Variants in ANKRD28 observed in about 807,000 individuals in gnomAD.
ANKRD28 encodes the protein ankyrin repeat domain 28.
Under a neutral mutation model 126.5 loss-of-function variants are expected in ANKRD28, and 44 were observed. That is an observed-to-expected ratio of 0.35 (90% CI 0.27 to 0.45). The LOEUF (loss-of-function observed/expected upper bound fraction) is 0.45, where lower values mean the gene tolerates loss of function less well. Ranked by LOEUF, ANKRD28 falls within the 20% of genes least tolerant of loss-of-function variation. The pLI is 1.00. For missense variants in ANKRD28, 1,110 were observed against 1,316.6 expected, an observed-to-expected ratio of 0.84 and a Z score of 2.43; for synonymous variants, 442 against 468.5, an observed-to-expected ratio of 0.94 and a Z score of 0.73.
chr3:15,748,798 T>TA, intron 4 of ANKRD28, among the ~76,000 whole-genome samples: 2 of 152,346 alleles, frequency 1.3e-5, no homozygotes, highest in South Asian at 4.1e-4. Flanking sequence ...TCCAAACTTT[T>TA]AGAGTTCTCT....
Position 15,677,513 on chromosome 3 carries a change from A to T in ANKRD28, c.2757T>A (p.Ser919Arg), listed in dbSNP as rs762717215. ...AAGCCAAATGGAGGGCAGTATTTTT[A>T]CTGTTATCTTGTAAAGTCAGTTCTG... ...ASAELTLQDN[S>R]KNTALHLACS... Residue 919 changes from serine to arginine, a missense_variant, in exon 25 of 28, where the codon AGT becomes AGA. Transcript: ENST00000683139. 9.9e-6 allele frequency: 16 copies of T among 1,612,986 alleles called. No individual in the cohort carries two copies. In the African/African-American group the frequency reaches 2.1e-4, roughly 22 times the overall value.
At chr3:15,784,526 A>C (rs1232662689) in intron 2 of ANKRD28, among the ~76,000 whole-genome samples, 2 of 152,004 alleles carry the variant, frequency 1.3e-5, no homozygotes, top group Non-Finnish European at 1.5e-5. Flanking sequence ...TATAACTGAT[A>C]TCCTAAGAAA....
chr3:15,680,370 G>A (rs1233412540), intron 21 of ANKRD28, among the ~76,000 whole-genome samples: 1 of 151,680 alleles, frequency 6.6e-6, no homozygotes, highest in African/African-American at 2.4e-5. Context: ...TGCCCAGCTA[G>A]CTTTTTTCGT....
intron 2 of ANKRD28, among the ~76,000 whole-genome samples, chr3:15,784,214 AAAG>A (rs1359193067): frequency 6.6e-6 from 1 of 152,048 alleles, no homozygotes; most frequent in Non-Finnish European, 1.5e-5. Flanking sequence ...GAAGAGCATC[AAAG>A]AAGGAGTAAG....
intron 1 of ANKRD28, among the ~76,000 whole-genome samples, chr3:15,852,710 G>A (rs535003535): frequency 6.6e-6 from 1 of 151,742 alleles, no homozygotes; most frequent in Admixed American, 6.6e-5. Flanking sequence ...GCGGGTGCCT[G>A]TAATCCCAGC....
intron 2 of ANKRD28, among the ~76,000 whole-genome samples, chr3:15,790,180 A>T (rs1435915099): frequency 2.6e-5 from 4 of 152,128 alleles, no homozygotes; most frequent in Non-Finnish European, 5.9e-5. Flanking sequence ...TGAAAAGGCC[A>T]GGACATAATG....
At chr3:15,683,912 C>T (rs1389561056) in intron 21 of ANKRD28, 7 of 152,152 alleles carry the variant, frequency 4.6e-5, no homozygotes. Flanking sequence ...GATTTTACAA[C>T]AGATATTATA....
chr3:15,708,113 T>C (rs763339394), intron 13 of ANKRD28, 49 bp from the exon 14 acceptor site: 2 of 1,550,620 alleles, frequency 1.3e-6, no homozygotes, highest in Non-Finnish European at 1.7e-6. Flanking sequence ...GAGACATAAC[T>C]AGTAAACAAA....
chr3:15,738,136 G>A (rs1221660610), intron 4 of ANKRD28, among the ~76,000 whole-genome samples: 1 of 152,138 alleles, frequency 6.6e-6, no homozygotes, highest in Admixed American at 6.5e-5. Context: ...TTCTTTCAGT[G>A]ATAATCCTAA....
chr3:15,764,140 G>A (rs866019280), intron 3 of ANKRD28, among the ~76,000 whole-genome samples: 3 of 152,132 alleles, frequency 2.0e-5, no homozygotes, highest in Admixed American at 2.0e-4. Flanking sequence ...CAGGTGAATC[G>A]CTTGAACCCG....
At chr3:15,850,204 A>AAAAAAATATATATATATATAT (rs1486394619) in intron 1 of ANKRD28, among the ~76,000 whole-genome samples, 4 of 54,832 alleles carry the variant, frequency 7.3e-5, no homozygotes, top group Admixed American at 4.7e-4. Context: ...AAAAAAAAAA[A>AAAAAAATATATATATATATAT]ATATATATAT....
intron 16 of ANKRD28, 113 bp downstream of exon 16, chr3:15,695,075 G>A: frequency 1.1e-6 from 1 of 885,858 alleles, no homozygotes; most frequent in Non-Finnish European, 1.8e-6. Context: ...CACCGTCTTT[G>A]TGCCTAATAT....
At chr3:15,776,286 T>A (rs2059263042) in intron 2 of ANKRD28, among the ~76,000 whole-genome samples, 1 of 152,208 alleles carries the variant, frequency 6.6e-6, no homozygotes, top group East Asian at 1.9e-4. Flanking sequence ...GTATTTATAC[T>A]ATAGAAATGC....
rs1429428179 is a variant in ANKRD28 at position 15,815,421 on chromosome 3, T to G, written c.28-20115A>C. On this transcript the variant is annotated intron_variant, in intron 1 of 27. Transcript: ENST00000399451. The surrounding 1 kb of genome is among the most constrained non-coding windows in gnomAD (Gnocchi z 4.1). The stretch of plus-strand genomic sequence containing the variant: ...AAATGATCCTCCCACCTCAGCCTCC[T>G]CAGTAGCTGCGACCACAGGCATGCA... Among the ~76,000 whole-genome samples, 3 of 152,142 alleles carry G rather than the reference T, an allele frequency of 2.0e-5. No individual in the cohort carries two copies. The highest frequency in any genetic ancestry group is 7.2e-5 in the African/African-American group (3 of 41,432).
At chr3:15,850,545 T>A (rs1275444239) in intron 1 of ANKRD28, among the ~76,000 whole-genome samples, 1 of 152,084 alleles carries the variant, frequency 6.6e-6, no homozygotes, top group Non-Finnish European at 1.5e-5. Flanking sequence ...TGGAACTGTA[T>A]GACTCCAACC....
chr3:15,778,576 A>C (rs1420194006), intron 2 of ANKRD28, among the ~76,000 whole-genome samples: 1 of 152,204 alleles, frequency 6.6e-6, no homozygotes, highest in Non-Finnish European at 1.5e-5. Context: ...CCATCTTCAA[A>C]GCCAGCAAGA....
Position 15,814,145 on chromosome 3 carries a change from G to T in ANKRD28, c.28-18839C>A. ...TATTTACTCACATACAGTTATGTATGAAAGCTAAGTTACAAGGAGGCTTAA... is the reference window on the plus strand; with the variant it reads ...TATTTACTCACATACAGTTATGTATTAAAGCTAAGTTACAAGGAGGCTTAA... On this transcript the variant is annotated intron_variant, in intron 1 of 27. Transcript: ENST00000399451. This position sits in a 1 kb window ranked among gnomAD's most constrained non-coding sequence, Gnocchi z 4.7. The T allele has an allele frequency of 3.6e-6, 2 of 561,034 alleles. No individual in the cohort carries two copies. The highest frequency in any genetic ancestry group is 4.9e-6 in the Non-Finnish European group (2 of 408,200). 34.8% of individuals were successfully genotyped at this position (561,034 alleles called of 1,614,324 possible).
At chr3:15,700,706 G>A (rs770567450) in intron 14 of ANKRD28, among the ~76,000 whole-genome samples, 5 of 152,084 alleles carry the variant, frequency 3.3e-5, no homozygotes, top group East Asian at 3.9e-4. Flanking sequence ...CTCAGGAGGC[G>A]GAGGTTGCAG....
At chr3:15,679,279 T>C in intron 23 of ANKRD28, 22 bp downstream of exon 23, 1 of 1,610,748 alleles carries the variant, frequency 6.2e-7, no homozygotes, top group South Asian at 1.1e-5. Context: ...TAAAACTATT[T>C]AATACATAGT....
Sources: allele counts gnomAD v4.1 joint callset (sites outside exome capture counted in the v4.1 genomes callset), GRCh38; gene constraint gnomAD v4.1.1; non-coding constraint Gnocchi (gnomAD v3.1); transcripts MANE v1.5; gene names NCBI Gene and HGNC (gene_info 2026-07-23, HGNC 2026-07-21).